Variants in SLC10A7 observed in about 807,000 individuals in gnomAD.
SLC10A7 encodes the protein sodium/bile acid cotransporter 7.
Under a neutral mutation model 43.2 loss-of-function variants are expected in SLC10A7, and 29 were observed. The observed-to-expected ratio is 0.67, with a 90% CI of 0.50 to 0.92. The LOEUF is 0.92. Ranked by LOEUF, SLC10A7 falls within the 40% of genes least tolerant of loss-of-function variation. SLC10A7 has a pLI of 0.00. For missense variants in SLC10A7, 295 were observed against 403.2 expected (o/e 0.73, Z 2.30); for synonymous variants, 152 against 144.8 (o/e 1.05, Z -0.35).
chr4:146,276,893 G>A (rs1729240349), intron 10 of SLC10A7, among the ~76,000 whole-genome samples: 1 of 152,068 alleles, frequency 6.6e-6, no homozygotes, highest in African/African-American at 2.4e-5. Flanking sequence ...GTTGGAGGCT[G>A]CAGTGAGCTA....
intron 7 of SLC10A7, among the ~76,000 whole-genome samples, chr4:146,294,953 G>A (rs1186272429): frequency 6.6e-6 from 1 of 152,102 alleles, no homozygotes; most frequent in Non-Finnish European, 1.5e-5. Flanking sequence ...GACATATTAA[G>A]TTTTGAGTCA....
intron 5 of SLC10A7, among the ~76,000 whole-genome samples, chr4:146,409,945 C>A (rs1410395278): frequency 6.6e-6 from 1 of 152,138 alleles, no homozygotes; most frequent in African/African-American, 2.4e-5. Flanking sequence ...CATTTCATAG[C>A]ATAATTGTAC....
intron 5 of SLC10A7, among the ~76,000 whole-genome samples, chr4:146,326,593 C>G (rs1189166043): frequency 6.6e-6 from 1 of 152,166 alleles, no homozygotes; most frequent in Non-Finnish European, 1.5e-5. Context: ...CTCCCCTAGG[C>G]AGAAATGAGC....
At chr4:146,348,830 A>G (rs58738547) in intron 5 of SLC10A7, among the ~76,000 whole-genome samples, 10,483 of 152,252 alleles carry the variant, frequency 0.069, 447 homozygotes, top group South Asian at 0.18. Context: ...CTATTACTTT[A>G]AAGAGTGTGT....
At chr4:146,467,562 C>CTTTTTT (rs397995707) in intron 4 of SLC10A7, among the ~76,000 whole-genome samples, 3 of 92,832 alleles carry the variant, frequency 3.2e-5, no homozygotes, top group Admixed American at 1.5e-4. Context: ...TTCTTTCTCT[C>CTTTTTT]TTTTTTTTTT....
intron 1 of SLC10A7, among the ~76,000 whole-genome samples, chr4:146,517,803 C>T (rs1196841563): frequency 6.6e-6 from 1 of 152,022 alleles, no homozygotes; most frequent in Non-Finnish European, 1.5e-5. Flanking sequence ...GAAGAAGTTC[C>T]CTTCTCTTTA....
At position 146,438,720 on chromosome 4, in the gene SLC10A7, C is replaced by T. The variant is rs183061396; in HGVS notation, c.435+4063G>A. Among the ~76,000 whole-genome samples the T allele has an allele frequency of 2.4e-3, 360 of 152,052 alleles. 3 individuals are homozygous for T. The highest frequency in any genetic ancestry group is 8.3e-3 in the African/African-American group (344 of 41,516). On this transcript the variant is annotated intron_variant, in intron 5 of 11. Coordinates refer to ENST00000335472, the MANE Select transcript of SLC10A7 (RefSeq NM_001029998.6). ...GAGACATGGAAACACTGAATTCAGC[C>T]TCCAAATCAAAAATGCTAAGTTCTA...
chr4:146,275,689 C>T (rs1729161299), intron 10 of SLC10A7, among the ~76,000 whole-genome samples: 1 of 151,876 alleles, frequency 6.6e-6, no homozygotes, highest in Non-Finnish European at 1.5e-5. Context: ...GCAGACAAGG[C>T]CAAAGGAAGT....
chr4:146,256,953 T>A, intron 11 of SLC10A7: 1 of 1,481,178 alleles, frequency 6.8e-7, no homozygotes, highest in Non-Finnish European at 9.1e-7. Context: ...AAAGGAAAAA[T>A]GAACAACAGT....
intron 4 of SLC10A7, among the ~76,000 whole-genome samples, chr4:146,502,222 T>A (rs983625783): frequency 6.6e-6 from 1 of 152,174 alleles, no homozygotes; most frequent in Non-Finnish European, 1.5e-5. Context: ...CGTATTAGAA[T>A]GGCAAAAATT....
intron 7 of SLC10A7, among the ~76,000 whole-genome samples, chr4:146,299,540 C>T (rs532254676): frequency 4.6e-5 from 7 of 152,184 alleles, no homozygotes; most frequent in African/African-American, 7.2e-5. Flanking sequence ...ATGTGAAAGG[C>T]GGCAAGGTGT....
chr4:146,515,995 A>AT (rs1205820461), intron 2 of SLC10A7, among the ~76,000 whole-genome samples: 1 of 151,094 alleles, frequency 6.6e-6, no homozygotes, highest in Non-Finnish European at 1.5e-5. Context: ...GTAAAGTCAT[A>AT]TTTTTTCCAT....
intron 2 of SLC10A7, among the ~76,000 whole-genome samples, chr4:146,512,572 T>C (rs1462880418): frequency 6.6e-6 from 1 of 152,164 alleles, no homozygotes; most frequent in Non-Finnish European, 1.5e-5. Flanking sequence ...AGAATGCAGG[T>C]GTACAGAATC....
intron 3 of SLC10A7, among the ~76,000 whole-genome samples, chr4:146,506,792 T>C (rs1489168186): frequency 2.0e-5 from 3 of 152,178 alleles, no homozygotes; most frequent in Non-Finnish European, 1.5e-5. Flanking sequence ...CTGGCTCTCC[T>C]GCCATCTTTT....
intron 5 of SLC10A7, among the ~76,000 whole-genome samples, chr4:146,403,148 T>C (rs1049986639): frequency 1.3e-5 from 2 of 152,194 alleles, no homozygotes; most frequent in Non-Finnish European, 2.9e-5. Context: ...CTTTGTTATA[T>C]TGAAGTTTTA....
chr4:146,440,149 A>G (rs941705731), intron 5 of SLC10A7, among the ~76,000 whole-genome samples: 1 of 152,168 alleles, frequency 6.6e-6, no homozygotes, highest in African/African-American at 2.4e-5. Flanking sequence ...GTAAATTGCC[A>G]TATTTCCCAA....
At chr4:146,343,901 A>G (rs893364521) in intron 5 of SLC10A7, among the ~76,000 whole-genome samples, 4 of 152,088 alleles carry the variant, frequency 2.6e-5, no homozygotes, top group African/African-American at 9.7e-5. Context: ...CAAATTCAAC[A>G]AAACTCATCT....
chr4:146,363,757 G>C (rs1736210616), intron 5 of SLC10A7, among the ~76,000 whole-genome samples: 2 of 151,838 alleles, frequency 1.3e-5, no homozygotes, highest in African/African-American at 2.4e-5. Context: ...ACAACCACTG[G>C]GTCAATGAAG....
At chr4:146,297,326 GA>G (rs1291746319) in intron 7 of SLC10A7, among the ~76,000 whole-genome samples, 2 of 152,014 alleles carry the variant, frequency 1.3e-5, no homozygotes, top group Non-Finnish European at 2.9e-5. Context: ...AAGGGTAAAG[GA>G]AAACTTAAAT....
Sources: gnomAD v4.1 joint callset for allele counts (sites outside exome capture counted in the v4.1 genomes callset) on GRCh38, gnomAD v4.1.1 for gene constraint, MANE v1.5 for transcripts, NCBI Gene and HGNC (gene_info 2026-07-23, HGNC 2026-07-21) for gene names.